Variants in LAP3 observed in about 807,000 individuals in gnomAD.
LAP3 encodes the protein cytosol aminopeptidase.
LAP3 carries 46 observed loss-of-function variants against 58.8 expected under a neutral mutation model. The ratio of observed to expected loss-of-function variants is 0.78; its 90% CI spans 0.62 to 1.00. The LOEUF is 1.00. Among genes scored for constraint, LAP3 ranks in the 50% least tolerant of loss-of-function variants. LAP3 has a pLI of 0.00. For synonymous variants in LAP3, 257 were observed against 237.7 expected, an observed-to-expected ratio of 1.08 and a Z score of -0.75; for missense variants, 615 against 659.1, an observed-to-expected ratio of 0.93 and a Z score of 0.73.
At chr4:17,599,976 T>C (rs1041559622) in intron 10 of LAP3, among the ~76,000 whole-genome samples, 3 of 152,168 alleles carry the variant, frequency 2.0e-5, no homozygotes, top group African/African-American at 7.2e-5. Flanking sequence ...TGAAAGCCTC[T>C]TTAATACAGG....
intron 9 of LAP3, 41 bp downstream of exon 9, chr4:17,597,175 C>G (rs373798854): frequency 6.5e-7 from 1 of 1,538,052 alleles, no homozygotes; most frequent in Non-Finnish European, 9.0e-7. Flanking sequence ...TCCAGCGTTC[C>G]TCAGGAATCC....
At chr4:17,590,288 C>G (rs892680032) in intron 7 of LAP3, among the ~76,000 whole-genome samples, 1 of 152,146 alleles carries the variant, frequency 6.6e-6, no homozygotes, top group Non-Finnish European at 1.5e-5. Flanking sequence ...ATGTTGATGT[C>G]CCCTTGTACA....
chr4:17,581,828 G>T lies in LAP3; in HGVS notation c.273+14G>T, dbSNP rs764301927. ...GGTCTGCATCAGGTATGAGAAGAAC[G>T]TGATCATTTGGTAAACCCTCAATGA... On this transcript the variant is annotated intron_variant, in intron 3 of 12. Coordinates refer to ENST00000226299, the MANE Select transcript of LAP3 (RefSeq NM_015907.3). The T allele has an allele frequency of 2.5e-6, 4 of 1,609,100 alleles. No individual in the cohort carries two copies. The highest frequency in any genetic ancestry group is 1.3e-5 in the African/African-American group (1 of 74,802).
At chr4:17,598,630 C>G in intron 10 of LAP3, 72 bp downstream of exon 10, 1 of 1,094,970 alleles carries the variant, frequency 9.1e-7, no homozygotes, top group Non-Finnish European at 1.4e-6. Flanking sequence ...ACACACTATA[C>G]TTGTGGCATT....
chr4:17,601,134 C>A (rs140873010), intron 10 of LAP3, among the ~76,000 whole-genome samples: 1,780 of 152,248 alleles, frequency 0.012, 40 homozygotes, highest in African/African-American at 0.041. Context: ...TGGTGCTATC[C>A]TCACTTTCCT....
intron 10 of LAP3, among the ~76,000 whole-genome samples, chr4:17,600,249 T>C (rs1713948892): frequency 6.6e-6 from 1 of 152,226 alleles, no homozygotes; most frequent in Admixed American, 6.5e-5. Flanking sequence ...GCCTTTACTT[T>C]GGCAGAAATC....
chr4:17,599,255 A>G (rs1413395535), intron 10 of LAP3, among the ~76,000 whole-genome samples: 2 of 152,144 alleles, frequency 1.3e-5, no homozygotes, highest in East Asian at 3.9e-4. Flanking sequence ...AATGATGTTA[A>G]GAGCCAGGAG....
chr4:17,601,188 C>T (rs150153607), intron 10 of LAP3, among the ~76,000 whole-genome samples: 141 of 152,272 alleles, frequency 9.3e-4, no homozygotes, highest in African/African-American at 2.8e-3. Context: ...ATTCTGGTAA[C>T]ATTGATCAGT....
At chr4:17,581,479 C>A (rs1219341229) in intron 2 of LAP3, among the ~76,000 whole-genome samples, 2 of 151,944 alleles carry the variant, frequency 1.3e-5, no homozygotes, top group African/African-American at 4.8e-5. Flanking sequence ...TGTATTACAC[C>A]TGTAATCCTA....
chr4:17,592,673 G>A (rs928623077), intron 7 of LAP3, among the ~76,000 whole-genome samples: 1 of 152,182 alleles, frequency 6.6e-6, no homozygotes, highest in African/African-American at 2.4e-5. Flanking sequence ...TACCATCAAT[G>A]TACAAAGATT....
At chr4:17,577,842 G>T (rs1215661798) in intron 1 of LAP3, among the ~76,000 whole-genome samples, 4 of 152,210 alleles carry the variant, frequency 2.6e-5, no homozygotes, top group African/African-American at 9.6e-5. Context: ...TGCTCCAGTC[G>T]TCACCCGCGG....
chr4:17,607,733 G>A lies in LAP3; in HGVS notation c.*144G>A, dbSNP rs1714181008. The A allele has an allele frequency of 1.7e-6, 1 of 583,270 alleles. No individual in the cohort carries two copies. The highest frequency in any genetic ancestry group is 3.1e-5 in the East Asian group (1 of 32,740). The allele number at this position is 583,270 out of a possible 1,614,324, so 36.1% of individuals were successfully genotyped here. On this transcript the variant is annotated 3_prime_UTR_variant, in exon 13 of 13. Transcript: ENST00000226299. ...GAACACAATGAAATTTGTATGCCTT[G>A]ATTTTTTTTTCATTTCACACAAAGA...
intron 7 of LAP3, among the ~76,000 whole-genome samples, chr4:17,590,079 C>T (rs965257964): frequency 6.6e-6 from 1 of 152,082 alleles, no homozygotes; most frequent in African/African-American, 2.4e-5. Flanking sequence ...GAGTATGAGA[C>T]GTAAAAAGGG....
intron 6 of LAP3, 25 bp from the exon 7 acceptor site, chr4:17,588,794 C>T (rs774384937): frequency 6.3e-7 from 1 of 1,589,544 alleles, no homozygotes; most frequent in Non-Finnish European, 8.6e-7. Context: ...AGTATATTTA[C>T]TTTTTCCCTC....
rs1714156557 is a variant in LAP3 at position 17,606,943 on chromosome 4, G to A, written c.1370+5G>A. The A allele has an allele frequency of 1.9e-6, 3 of 1,559,266 alleles. No individual in the cohort carries two copies. The highest frequency in any genetic ancestry group is 2.3e-5 in the South Asian group (2 of 88,802). The stretch of plus-strand genomic sequence containing the variant: ...TAACAACATTGGAAAATACAGGTAT[G>A]TAAGCTAAGCTAAATGTACATTTAT... On this transcript the variant is annotated splice_donor_5th_base_variant and intron_variant, in intron 12 of 12. Coordinates refer to ENST00000226299, the MANE Select transcript of LAP3 (RefSeq NM_015907.3).
chr4:17,591,062 C>G (rs1303213348), intron 7 of LAP3, among the ~76,000 whole-genome samples: 2 of 150,966 alleles, frequency 1.3e-5, no homozygotes, highest in African/African-American at 4.9e-5. Flanking sequence ...AGCCACCACA[C>G]CCAGCCTAAA....
Position 17,577,472 on chromosome 4 carries a change from T to A in LAP3, c.7T>A (p.Leu3Met). The A allele has an allele frequency of 6.3e-7, 1 of 1,577,046 alleles. No homozygotes were observed. Among genetic ancestry groups the A allele is most frequent in the Non-Finnish European group, 8.6e-7 (1 of 1,163,204 alleles). ...GAGGGGCCGAGCCGACAAGATGTTC[T>A]TGCTGCCTCTTCCGGCTGCGGGGCG... MFLLPLPAAGRVV... is the reference protein window; with the variant it reads MFMLPLPAAGRVV... Residue 3 changes from leucine to methionine, a missense_variant, in exon 1 of 13, where the codon TTG becomes ATG. Leu to Met is a conservative substitution (Grantham distance 15). Coordinates refer to ENST00000226299, the MANE Select transcript of LAP3 (RefSeq NM_015907.3).
At chr4:17,592,026 TAGG>T (rs1713700565) in intron 7 of LAP3, among the ~76,000 whole-genome samples, 2 of 151,978 alleles carry the variant, frequency 1.3e-5, no homozygotes, top group East Asian at 3.8e-4. Context: ...GAAGCTGAGG[TAGG>T]AGGATTACAT....
At chr4:17,585,383 G>A (rs550663357) in intron 6 of LAP3, 1 of 281,128 alleles carries the variant, frequency 3.6e-6, no homozygotes, top group Non-Finnish European at 6.7e-6. Flanking sequence ...GTGTTATTCA[G>A]ACACAATTAA....
Sources: allele counts gnomAD v4.1 joint callset (sites outside exome capture counted in the v4.1 genomes callset), GRCh38; gene constraint gnomAD v4.1.1; transcripts MANE v1.5; gene names NCBI Gene and HGNC (gene_info 2026-07-23, HGNC 2026-07-21).